The following CDON variants were observed in gnomAD, a reference collection of about 807,000 sequenced individuals.
The protein encoded by CDON is cell adhesion associated, oncogene regulated, also known as cell adhesion molecule-related/down-regulated by oncogenes.
In CDON, 73 loss-of-function variants were observed where a neutral mutation model predicts 120.9. That is an observed-to-expected ratio of 0.60 (90% CI 0.50 to 0.73). The LOEUF (loss-of-function observed/expected upper bound fraction) is 0.73. Among genes scored for constraint, CDON ranks in the 30% least tolerant of loss-of-function variants. The pLI is 0.00. For synonymous variants in CDON, 566 were observed against 573.5 expected (o/e 0.99, Z 0.19); for missense variants, 1,470 against 1,587.3 (o/e 0.93, Z 1.26).
intron 7 of CDON, among the ~76,000 whole-genome samples, chr11:126,013,431 T>A (rs1947363057): frequency 6.6e-6 from 1 of 152,196 alleles, no homozygotes; most frequent in Non-Finnish European, 1.5e-5. Flanking sequence ...TAAAATCATC[T>A]GGCCCCTTAT....
intron 6 of CDON, among the ~76,000 whole-genome samples, chr11:126,015,796 T>C (rs998389191): frequency 3.3e-5 from 5 of 152,228 alleles, no homozygotes; most frequent in African/African-American, 9.6e-5. Context: ...AAATAGTTTC[T>C]AATCCTGGGC....
In CDON at chr11:126,015,352, T is replaced by C; in HGVS notation, c.1087A>G (p.Asn363Asp). 6.2e-7 allele frequency: 1 copy of C among 1,614,156 alleles called. No individual in the cohort carries two copies. Among genetic ancestry groups the C allele is most frequent in the Non-Finnish European group, 8.5e-7 (1 of 1,180,030 alleles). Residue 363 changes from asparagine to aspartate, a missense_variant, in exon 7 of 20, where the codon AAC (asparagine) becomes GAC (aspartate). Asn to Asp is a conservative substitution (Grantham distance 23). Coordinates refer to ENST00000531738, the MANE Select transcript of CDON (RefSeq NM_001378964.1). Reference sequence around the variant, plus strand: ...GTAACCCCACTGATTTTCAGTCCGTTTCCTGCAGTTAGATGTCGTGCAGAA... The same window carrying C: ...GTAACCCCACTGATTTTCAGTCCGTCTCCTGCAGTTAGATGTCGTGCAGAA... Reference protein sequence around the residue: ...HPSARHLTAGNGLKISGVTVE... With the variant: ...HPSARHLTAGDGLKISGVTVE...
chr11:126,054,892 A>C (rs1319453311), intron 1 of CDON, among the ~76,000 whole-genome samples: 1 of 152,206 alleles, frequency 6.6e-6, no homozygotes, highest in Non-Finnish European at 1.5e-5. Context: ...GATACGTATC[A>C]GTGCCAGGAG....
intron 15 of CDON, among the ~76,000 whole-genome samples, chr11:125,984,573 T>C (rs991916148): frequency 2.6e-5 from 4 of 151,866 alleles, no homozygotes; most frequent in Non-Finnish European, 5.9e-5. Flanking sequence ...GGTGGGTGCC[T>C]GTAATCCCAG....
intron 18 of CDON, among the ~76,000 whole-genome samples, chr11:125,972,769 C>A (rs1946038356): frequency 6.6e-6 from 1 of 152,142 alleles, no homozygotes; most frequent in Non-Finnish European, 1.5e-5. Context: ...AGTGGCAGGG[C>A]ACAGAGCAGG....
chr11:125,974,547 TA>T (rs1357011574), intron 18 of CDON, among the ~76,000 whole-genome samples: 2 of 151,822 alleles, frequency 1.3e-5, no homozygotes, highest in Non-Finnish European at 2.9e-5. Flanking sequence ...TGATGTCTTA[TA>T]AAAAGAATGT....
At chr11:125,994,045 A>C (rs1001830602) in intron 14 of CDON, among the ~76,000 whole-genome samples, 2 of 152,226 alleles carry the variant, frequency 1.3e-5, no homozygotes, top group African/African-American at 4.8e-5. Context: ...CTTTCAGATG[A>C]ACTACTACTG....
intron 18 of CDON, among the ~76,000 whole-genome samples, chr11:125,973,300 A>G (rs757496692): frequency 3.3e-5 from 5 of 152,134 alleles, no homozygotes; most frequent in Non-Finnish European, 7.4e-5. Context: ...TGGGAGGCCA[A>G]GACGGGTGGA....
At chr11:125,991,962 G>T (rs557975102) in intron 14 of CDON, among the ~76,000 whole-genome samples, 1 of 151,986 alleles carries the variant, frequency 6.6e-6, no homozygotes, top group Non-Finnish European at 1.5e-5. Flanking sequence ...TTTTGTAAAA[G>T]CTCAAAGATT....
At chr11:126,029,006 G>A (rs905718970) in intron 1 of CDON, among the ~76,000 whole-genome samples, 5 of 151,954 alleles carry the variant, frequency 3.3e-5, no homozygotes, top group Non-Finnish European at 5.9e-5. Flanking sequence ...TTGTCAAGTC[G>A]TGTTCCAAAA....
chr11:126,014,132 A>G (rs1294305218), intron 7 of CDON, among the ~76,000 whole-genome samples: 18 of 152,102 alleles, frequency 1.2e-4, no homozygotes. Context: ...TTTGGTCCAT[A>G]TTATATTGAT....
In CDON at chr11:126,034,139, AAAG is replaced by A. The variant is rs929974418; in HGVS notation, c.-61-10605_-61-10603del. On this transcript the variant is annotated intron_variant, in intron 1 of 19. Transcript: ENST00000531738. This position sits in a 1 kb window ranked among gnomAD's most constrained non-coding sequence, Gnocchi z 4.5. ...TCATTCAGATCAACTTAAAAAAAAA[AAAG>A]TTCACACCTACAGACTTCGCAACCC... Among the ~76,000 whole-genome samples, 6 of 152,200 alleles carry A rather than the reference AAAG, an allele frequency of 3.9e-5. No homozygotes were observed. Among genetic ancestry groups the A allele is most frequent in the Admixed American group, 6.5e-5 (1 of 15,284 alleles).
chr11:126,019,091 C>T (rs1947553814), intron 4 of CDON, among the ~76,000 whole-genome samples: 2 of 152,134 alleles, frequency 1.3e-5, no homozygotes, highest in African/African-American at 2.4e-5. Context: ...CATGGTGTTC[C>T]TGCACTGTCT....
At chr11:126,006,098 C>T in intron 8 of CDON, 41 bp from the exon 9 acceptor site, 3 of 1,582,008 alleles carry the variant, frequency 1.9e-6, no homozygotes, top group Non-Finnish European at 2.6e-6. Context: ...AGATACTCCT[C>T]ATTTCATTGT....
upstream of CDON, among the ~76,000 whole-genome samples, chr11:126,062,994 C>A (rs1948843482): frequency 6.6e-6 from 1 of 151,620 alleles, no homozygotes; most frequent in Non-Finnish European, 1.5e-5. Context: ...CTGACGGAGG[C>A]GGGCCGTAGA....
intron 18 of CDON, 69 bp from the exon 19 acceptor site, chr11:125,962,067 T>C: frequency 8.3e-7 from 1 of 1,211,722 alleles, no homozygotes; most frequent in Non-Finnish European, 1.2e-6. Context: ...AAGCCTATTC[T>C]GAAATATCAT....
intron 6 of CDON, among the ~76,000 whole-genome samples, chr11:126,016,180 G>T (rs1451255391): frequency 6.6e-6 from 1 of 152,094 alleles, no homozygotes; most frequent in Admixed American, 6.5e-5. Flanking sequence ...CATGCAAAGA[G>T]TTTACAAAAG....
At chr11:126,043,722 A>C (rs1412010118) in intron 1 of CDON, among the ~76,000 whole-genome samples, 1 of 152,222 alleles carries the variant, frequency 6.6e-6, no homozygotes, top group Non-Finnish European at 1.5e-5. Context: ...AAGCAAAAGA[A>C]AGGCCTTGAG....
At chr11:125,967,384 A>G (rs373828688) in intron 18 of CDON, among the ~76,000 whole-genome samples, 65 of 152,300 alleles carry the variant, frequency 4.3e-4, no homozygotes, top group African/African-American at 1.5e-3. Context: ...TTTTTTAATG[A>G]TAGTTATTTC....
Sources: gnomAD v4.1 joint callset for allele counts (sites outside exome capture counted in the v4.1 genomes callset) on GRCh38, gnomAD v4.1.1 for gene constraint, Gnocchi (gnomAD v3.1) non-coding constraint, MANE v1.5 for transcripts, NCBI Gene and HGNC (gene_info 2026-07-23, HGNC 2026-07-21) for gene names.